PCDHGB5: variants seen among roughly 807,000 people sequenced by gnomAD.
PCDHGB5 encodes the protein protocadherin gamma-B5.
A neutral mutation model predicts 62.9 loss-of-function variants in PCDHGB5; 48 were observed. That is an observed-to-expected ratio of 0.76 (90% CI 0.61 to 0.97). PCDHGB5 has a LOEUF of 0.97. Ranked by LOEUF, PCDHGB5 falls within the 50% of genes least tolerant of loss-of-function variation. The pLI, the probability that PCDHGB5 is intolerant of heterozygous loss-of-function variation, is 0.00. For synonymous variants in PCDHGB5, 474 were observed against 511.2 expected, an observed-to-expected ratio of 0.93 and a Z score of 0.98; for missense variants, 1,118 against 1,198.6, an observed-to-expected ratio of 0.93 and a Z score of 0.99.
rs1258690272 is a variant in PCDHGB5, at chr5:141,400,499, G to A, written c.2372G>A (p.Ser791Asn). ...GCCTTATTTCCACTTTGTAATTCCA[G>A]CGAGTCGACTTCCCATCCTGAGTTG... Reference protein sequence around the residue: ...SGALFPLCNSSESTSHPELQA... With the variant: ...SGALFPLCNSNESTSHPELQA... Residue 791 changes from serine (S) to asparagine (N), a missense_variant, in exon 1 of 4, where the codon AGC becomes AAC. By Grantham distance (46) the Ser-to-Asn change is conservative. Around this residue, in one of 2 missense-constraint regions of PCDHGB5, gnomAD observed 1,034 missense variants for 1,029.1 expected, o/e 1.00. Coordinates refer to ENST00000617380, the MANE Select transcript of PCDHGB5 (RefSeq NM_018925.3). 8 of 1,613,910 alleles carry A rather than the reference G, an allele frequency of 5.0e-6. No individual in the cohort carries two copies. Among genetic ancestry groups the A allele is most frequent in the Non-Finnish European group, 6.8e-6 (8 of 1,179,894 alleles).
At chr5:141,448,185 G>A (rs2098572532) in intron 1 of PCDHGB5, among the ~76,000 whole-genome samples, 1 of 152,020 alleles carries the variant, frequency 6.6e-6, no homozygotes, top group Non-Finnish European at 1.5e-5. Flanking sequence ...CCCTGGTTAT[G>A]TACACTTACA....
chr5:141,423,630 T>C, intron 1 of PCDHGB5: 1 of 1,603,994 alleles, frequency 6.2e-7, no homozygotes, highest in Non-Finnish European at 8.5e-7. Flanking sequence ...CAGCTATCAT[T>C]TTAGGCAAAT....
chr5:141,412,343 A>T (rs928223487), intron 1 of PCDHGB5: 2 of 152,166 alleles, frequency 1.3e-5, no homozygotes, highest in African/African-American at 4.8e-5. Context: ...ATATATGTTC[A>T]TTTTAGTTTG....
At chr5:141,404,906 C>T (rs776779922) in intron 1 of PCDHGB5, 7 of 1,613,864 alleles carry the variant, frequency 4.3e-6, no homozygotes, top group Non-Finnish European at 5.1e-6. Context: ...CCATGGCCAG[C>T]CCCCTCTCTC....
At chr5:141,405,410 T>C (rs1483035668) in intron 1 of PCDHGB5, 2 of 1,557,296 alleles carry the variant, frequency 1.3e-6, no homozygotes, top group Non-Finnish European at 1.8e-6. Context: ...TTCTTTTCTT[T>C]TTTTGTTTTT....
intron 3 of PCDHGB5, among the ~76,000 whole-genome samples, chr5:141,510,227 C>T (rs1010123412): frequency 1.3e-5 from 2 of 150,454 alleles, no homozygotes; most frequent in African/African-American, 2.5e-5. Context: ...GAGCCGGGAT[C>T]GCGCCACTGC....
At chr5:141,415,255 A>G (rs908329007) in intron 1 of PCDHGB5, 1 of 1,613,620 alleles carries the variant, frequency 6.2e-7, no homozygotes, top group African/African-American at 1.3e-5. Context: ...CTCAGACCTC[A>G]CTCTGTACCT....
chr5:141,470,872 TTTTTTG>T (rs900302332), intron 1 of PCDHGB5, among the ~76,000 whole-genome samples: 3 of 151,814 alleles, frequency 2.0e-5, no homozygotes, highest in African/African-American at 4.8e-5. Context: ...GTTTGTTTGT[TTTTTTG>T]TTTTTGTTTT....
At chr5:141,463,682 G>A (rs62379195) in intron 1 of PCDHGB5, among the ~76,000 whole-genome samples, 7,165 of 151,926 alleles carry the variant, frequency 0.047, 241 homozygotes, top group Middle Eastern at 0.095. Context: ...GGATGACCTC[G>A]TGATCTGCTC....
intron 1 of PCDHGB5, chr5:141,409,494 C>T (rs755680835): frequency 8.1e-6 from 13 of 1,613,910 alleles, no homozygotes; most frequent in South Asian, 3.3e-5. Context: ...GGCAAGCCGC[C>T]TCTTTCTTCC....
Position 141,400,134 on chromosome 5 carries a change from G to A in PCDHGB5, c.2007G>A (p.Pro669=), listed in dbSNP as rs373375631. The A allele has an allele frequency of 6.8e-6, 11 of 1,613,954 alleles. No homozygotes were observed. In the African/African-American group the frequency reaches 9.3e-5, roughly 14 times the overall value. ...VFADSLQEVL[P]DITDRPVPSD... is the part of the protein sequence containing the mutation. Reference sequence around the variant, plus strand: ...CTGACAGCTTGCAGGAGGTGCTGCCGGATATCACTGACCGCCCTGTACCCT... The same window carrying A: ...CTGACAGCTTGCAGGAGGTGCTGCCAGATATCACTGACCGCCCTGTACCCT... Residue 669 remains proline, a synonymous_variant, in exon 1 of 4, where the codon CCG becomes CCA. Coordinates refer to ENST00000617380, the MANE Select transcript of PCDHGB5 (RefSeq NM_018925.3).
At chr5:141,409,776 T>C in intron 1 of PCDHGB5, 1 of 1,612,708 alleles carries the variant, frequency 6.2e-7, no homozygotes, top group Non-Finnish European at 8.5e-7. Context: ...CACGAGCAGC[T>C]GCGCGCCTTC....
intron 1 of PCDHGB5, chr5:141,420,154 T>C (rs2096470856): frequency 2.5e-6 from 4 of 1,613,948 alleles, no homozygotes; most frequent in Non-Finnish European, 2.5e-6. Flanking sequence ...ATCCAGAATT[T>C]AATTTTTTCA....
At chr5:141,435,593 G>A (rs183768133) in intron 1 of PCDHGB5, among the ~76,000 whole-genome samples, 9 of 152,112 alleles carry the variant, frequency 5.9e-5, no homozygotes, top group Admixed American at 2.6e-4. Flanking sequence ...CAGTAATATC[G>A]CCTGCTTTTT....
intron 1 of PCDHGB5, chr5:141,402,972 G>A (rs758148844): frequency 6.2e-7 from 1 of 1,608,316 alleles, no homozygotes; most frequent in Non-Finnish European, 8.5e-7. Context: ...CCAACCAAAT[G>A]CCAGCTCCGC....
At chr5:141,405,188 G>T (rs2094622261) in intron 1 of PCDHGB5, 1 of 1,613,954 alleles carries the variant, frequency 6.2e-7, no homozygotes, top group African/African-American at 1.3e-5. Context: ...TGTAGATGGG[G>T]TTCGAGCTTT....
intron 1 of PCDHGB5, among the ~76,000 whole-genome samples, chr5:141,433,397 A>ATCTC (rs1179042498): frequency 6.6e-6 from 1 of 150,410 alleles, no homozygotes; most frequent in African/African-American, 2.5e-5. Flanking sequence ...CTATCTATCT[A>ATCTC]TCTATCTATT....
At position 141,477,458 on chromosome 5, in the gene PCDHGB5, T is replaced by C; in HGVS notation, c.2398-17349T>C. 6.2e-7 allele frequency: 1 copy of C among 1,614,126 alleles called. No homozygotes were observed. The highest frequency in any genetic ancestry group is 8.5e-7 in the Non-Finnish European group (1 of 1,180,022). ...CCTTACAATAGTGCGTGTTCAAGTG[T>C]CCGACATCAATGACAACCCTCCACA... On this transcript the variant is annotated intron_variant, in intron 1 of 3. Transcript: ENST00000617380. This position sits in a 1 kb window ranked among gnomAD's most constrained non-coding sequence, Gnocchi z 4.9.
intron 1 of PCDHGB5, chr5:141,419,090 G>T: frequency 6.2e-7 from 1 of 1,613,922 alleles, no homozygotes; most frequent in Non-Finnish European, 8.5e-7. Flanking sequence ...TGAGGCCCTG[G>T]ATCGGGAGCA....
Sources: allele counts gnomAD v4.1 joint callset (sites outside exome capture counted in the v4.1 genomes callset), GRCh38; gene constraint gnomAD v4.1.1; regional missense constraint gnomAD v4.1.1; non-coding constraint Gnocchi (gnomAD v3.1); transcripts MANE v1.5; gene names NCBI Gene and HGNC (gene_info 2026-07-23, HGNC 2026-07-21).